Variants in CATSPERG observed in about 807,000 individuals in gnomAD.
CATSPERG encodes cation channel sperm-associated auxiliary subunit gamma.
CATSPERG carries 115 observed loss-of-function variants against 145.0 expected under a neutral mutation model. The observed-to-expected ratio is 0.79, with a 90% CI of 0.68 to 0.93. The LOEUF is 0.93. Ranked by LOEUF, CATSPERG falls within the 40% of genes least tolerant of loss-of-function variation. The pLI, the probability that CATSPERG is intolerant of heterozygous loss-of-function variation, is 0.00. For synonymous variants in CATSPERG, 588 were observed against 589.0 expected (o/e 1.00, Z 0.02); for missense variants, 1,296 against 1,490.1 (o/e 0.87, Z 2.14).
intron 4 of CATSPERG, 61 bp downstream of exon 4, chr19:38,343,785 C>A (rs1358110273): frequency 6.6e-7 from 1 of 1,513,600 alleles, no homozygotes; most frequent in Non-Finnish European, 8.9e-7. Context: ...TTGCTGGGGG[C>A]CTCTGTGGGG....
intron 8 of CATSPERG, among the ~76,000 whole-genome samples, chr19:38,354,452 ACATGCTAAT>A (rs1187232320): frequency 1.3e-5 from 2 of 152,184 alleles, no homozygotes; most frequent in Non-Finnish European, 2.9e-5. Flanking sequence ...CGGCTTGGTC[ACATGCTAAT>A]CATTGTGGCC....
chr19:38,337,306 C>T lies in CATSPERG; in HGVS notation c.72C>T (p.Ala24=). The change falls in exon 2 of 29, where the codon GCC becomes GCT. Residue 24 remains alanine (A), a synonymous_variant. Transcript: ENST00000409235. The part of the protein sequence containing the change: ...PRVRVVQVLW[A]LLAVLLASWR... ...TCCGAGTCGTGCAGGTGCTGTGGGC[C>T]CTGCTGGCAGTGCTCCTGGCGTCGT... 6.4e-7 allele frequency: 1 copy of T among 1,551,298 alleles called. No homozygotes were observed. Among genetic ancestry groups the T allele is most frequent in the Non-Finnish European group, 8.7e-7 (1 of 1,146,884 alleles).
At position 38,359,552 on chromosome 19, in the gene CATSPERG, G is replaced by A; in HGVS notation, c.1579G>A (p.Ala527Thr). ...ATACATGGCCAGATCGTTCCGTGGG[G>A]CTGTGGCTATTGTCACAGAGACGGA... ...IKYMARSFRG[A>T]VAIVTETEEI... Residue 527 changes from alanine to threonine, a missense_variant, in exon 14 of 29, where the codon GCT (alanine) becomes ACT (threonine). By Grantham distance (58) the Ala-to-Thr change is moderately conservative. Coordinates refer to ENST00000409235, the MANE Select transcript of CATSPERG (RefSeq NM_021185.5). 9 of 1,613,396 alleles carry A rather than the reference G, an allele frequency of 5.6e-6. No individual in the cohort carries two copies. The highest frequency in any genetic ancestry group is 7.6e-6 in the Non-Finnish European group (9 of 1,179,574).
rs770738488 is a variant in CATSPERG at position 38,368,090 on chromosome 19, C to G, written c.2973C>G (p.Thr991=). ...GGACCACGAGGACCACAAGGACCAC[C>G]AAAGACTCAGCCTTTCACATCATGT... ...LIWTTRTTRT[T]KDSAFHIMSH... The change falls in exon 26 of 29, where the codon ACC becomes ACG. Residue 991 remains threonine (T), a synonymous_variant. Transcript: ENST00000409235. 1.9e-6 allele frequency: 3 copies of G among 1,614,124 alleles called. No homozygotes were observed. Among genetic ancestry groups the G allele is most frequent in the South Asian group, 2.2e-5 (2 of 91,082 alleles).
At chr19:38,356,974 CTG>C in intron 11 of CATSPERG, 113 bp downstream of exon 11, 1 of 1,356,738 alleles carries the variant, frequency 7.4e-7, no homozygotes, top group Non-Finnish European at 1.0e-6. Context: ...GCAACATTAC[CTG>C]TGTCACTCCT....
Sources: gnomAD v4.1 joint callset for allele counts (sites outside exome capture counted in the v4.1 genomes callset) on GRCh38, gnomAD v4.1.1 for gene constraint, MANE v1.5 for transcripts, NCBI Gene and HGNC (gene_info 2026-07-23, HGNC 2026-07-21) for gene names.